The following CNIH3 variants were observed in gnomAD, a reference collection of about 807,000 sequenced individuals.
CNIH3 encodes cornichon family AMPA receptor auxiliary protein 3.
Under a neutral mutation model 24.1 loss-of-function variants are expected in CNIH3, and 14 were observed. That is an observed-to-expected ratio of 0.58 (90% CI 0.38 to 0.91). The LOEUF (loss-of-function observed/expected upper bound fraction) is 0.91. Ranked by LOEUF, CNIH3 falls within the 40% of genes least tolerant of loss-of-function variation. The pLI, the probability that CNIH3 is intolerant of heterozygous loss-of-function variation, is 0.00. For missense variants in CNIH3, 178 were observed against 196.8 expected, an observed-to-expected ratio of 0.90 and a Z score of 0.57; for synonymous variants, 68 against 73.8, an observed-to-expected ratio of 0.92 and a Z score of 0.40.
Position 224,730,486 on chromosome 1 carries a change from C to G in CNIH3, c.223C>G (p.His75Asp). Reference protein sequence around the residue: ...RKLVLPEYSIHSLFCIMFLCA... With the variant: ...RKLVLPEYSIDSLFCIMFLCA... ...GCTGGTGCTGCCAGAATACTCCATC[C>G]ATAGCCTCTTCTGCATTATGTTCCT... Residue 75 changes from histidine (H) to aspartate (D), a missense_variant, in exon 4 of 6, where the codon CAT becomes GAT. Physicochemically the swap from His to Asp is moderately conservative, Grantham distance 81. Transcript: ENST00000272133. 2 of 1,559,750 alleles carry G rather than the reference C, an allele frequency of 1.3e-6. No homozygotes were observed. Among genetic ancestry groups the G allele is most frequent in the Non-Finnish European group, 1.7e-6 (2 of 1,150,304 alleles).
At position 224,608,489 on chromosome 1, in the gene CNIH3, G is replaced by T. The variant is rs546070610; in HGVS notation, n.402+42225G>T. Among the ~76,000 whole-genome samples, 12 of 152,244 alleles carry T rather than the reference G, an allele frequency of 7.9e-5. 1 individual carries two copies. In the South Asian group the frequency reaches 1.7e-3, roughly 21 times the overall value. On this transcript the variant is annotated intron_variant and non_coding_transcript_variant, in intron 3 of 7. Transcript: ENST00000478120. ...GTCGTAATCGATTGAGCAAGCAGGG[G>T]GTGCGTGACTGGGGGATGCATGCAC...
chr1:224,715,233 G>A (rs978361332), intron 3 of CNIH3, among the ~76,000 whole-genome samples: 2 of 152,226 alleles, frequency 1.3e-5, no homozygotes, highest in Non-Finnish European at 2.9e-5. Flanking sequence ...ATCTTTAAAC[G>A]TTCAGTCCTC....
At chr1:224,519,277 G>A (rs1048122462) in intron 1 of CNIH3, among the ~76,000 whole-genome samples, 4 of 152,176 alleles carry the variant, frequency 2.6e-5, no homozygotes, top group Admixed American at 6.5e-5. Context: ...AGAAGGCAGA[G>A]GAAGGGAAAA....
chr1:224,678,080 T>C (rs1308484909), intron 1 of CNIH3, among the ~76,000 whole-genome samples: 1 of 152,164 alleles, frequency 6.6e-6, no homozygotes, highest in Non-Finnish European at 1.5e-5. Flanking sequence ...ATGTGGGTAT[T>C]GACGATACTG....
At chr1:224,583,491 A>G (rs1681364723) in intron 5 of CNIH3, among the ~76,000 whole-genome samples, 2 of 152,176 alleles carry the variant, frequency 1.3e-5, no homozygotes, top group South Asian at 2.1e-4. Flanking sequence ...CCCGTTCATT[A>G]TTAGAAATTT....
Position 224,628,112 on chromosome 1 carries a change from C to T in CNIH3, c.81+10857C>T, listed in dbSNP as rs569271622. 5.5e-4 allele frequency among the ~76,000 whole-genome samples: 83 copies of T among 152,114 alleles called. 2 individuals carry two copies. The South Asian group carries it at 0.016, about 29-fold the overall frequency. On this transcript the variant is annotated intron_variant, in intron 1 of 5. Transcript: ENST00000272133. Reference sequence around the variant, plus strand: ...GTCTAGCCCAGATCTAGACTTAGCCCACCCTGTCAAGTTATTCATTTTCTC... The same window carrying T: ...GTCTAGCCCAGATCTAGACTTAGCCTACCCTGTCAAGTTATTCATTTTCTC...
chr1:224,448,432 C>A (rs1471430464), intron 1 of CNIH3, among the ~76,000 whole-genome samples: 2 of 152,122 alleles, frequency 1.3e-5, no homozygotes, highest in African/African-American at 4.8e-5. Flanking sequence ...AAAAATGGAA[C>A]AGGGGAGGTA....
chr1:224,472,681 C>T (rs1473552569), intron 1 of CNIH3, among the ~76,000 whole-genome samples: 1 of 152,162 alleles, frequency 6.6e-6, no homozygotes, highest in Non-Finnish European at 1.5e-5. Context: ...ACGCTGGGCA[C>T]AGTGTACACT....
At chr1:224,680,896 C>T (rs1686365957) in intron 1 of CNIH3, 62 bp from the exon 2 acceptor site, 5 of 1,277,536 alleles carry the variant, frequency 3.9e-6, no homozygotes, top group Middle Eastern at 1.8e-4. Flanking sequence ...TCCACAGAAG[C>T]TTTGGACATG....
intron 3 of CNIH3, among the ~76,000 whole-genome samples, chr1:224,610,397 A>G (rs1413709083): frequency 6.6e-6 from 1 of 152,142 alleles, no homozygotes; most frequent in Non-Finnish European, 1.5e-5. Context: ...TCCCCCTGCT[A>G]TTCTCCTGAT....
rs907095859 is a variant in CNIH3, at chr1:224,703,916, G to C, written c.198+19073G>C. On this transcript the variant is annotated intron_variant, in intron 3 of 5. Coordinates refer to ENST00000272133, the MANE Select transcript of CNIH3 (RefSeq NM_152495.2). The surrounding 1 kb of genome is among the most constrained non-coding windows in gnomAD (Gnocchi z 4.2). ...CACCTGAGTCGCTGCTGCTCTGCAG[G>C]CCTCCCACCTCAGCCTACGACGTAT... Among the ~76,000 whole-genome samples the C allele has an allele frequency of 5.3e-5, 8 of 152,164 alleles. No individual in the cohort carries two copies. Among genetic ancestry groups the C allele is most frequent in the African/African-American group, 1.9e-4 (8 of 41,424 alleles).
chr1:224,653,331 A>G (rs1341455689), intron 1 of CNIH3, among the ~76,000 whole-genome samples: 1 of 151,994 alleles, frequency 6.6e-6, no homozygotes, highest in Non-Finnish European at 1.5e-5. Context: ...CTGAGGTAGG[A>G]GAATCACTTG....
chr1:224,644,152 T>C (rs10915686), intron 1 of CNIH3, among the ~76,000 whole-genome samples: 143,530 of 152,302 alleles, frequency 0.94, 67,708 homozygotes, highest in East Asian at 1. Flanking sequence ...GCTTGGTGAC[T>C]GAATGTGTTG....
chr1:224,493,882 C>T (rs1431787976), intron 1 of CNIH3, among the ~76,000 whole-genome samples: 1 of 152,206 alleles, frequency 6.6e-6, no homozygotes, highest in East Asian at 1.9e-4. Context: ...CCCAGAGTCC[C>T]GTCATTAACA....
chr1:224,663,676 C>A (rs553527076), intron 1 of CNIH3, among the ~76,000 whole-genome samples: 3 of 152,314 alleles, frequency 2.0e-5, no homozygotes, highest in African/African-American at 7.2e-5. Context: ...ATGGAAATTT[C>A]TTTGGAATTC....
At chr1:224,471,792 A>T (rs992661294) in intron 1 of CNIH3, among the ~76,000 whole-genome samples, 2 of 151,728 alleles carry the variant, frequency 1.3e-5, no homozygotes, top group Non-Finnish European at 2.9e-5. Flanking sequence ...GGCTTTCACC[A>T]TCTTGGCCAG....
chr1:224,475,366 AG>A lies in CNIH3; in HGVS notation n.204-40374del, dbSNP rs201668212. Among the ~76,000 whole-genome samples the A allele has an allele frequency of 1.8e-3, 262 of 148,636 alleles. 5 individuals are homozygous for A. The highest frequency in any genetic ancestry group is 3.8e-3 in the South Asian group (18 of 4,762). On this transcript the variant is annotated intron_variant and non_coding_transcript_variant, in intron 1 of 5. Transcript: ENST00000471578. ...GCGAGACTCCATCTCAAAAAAAAAA[AG>A]AAAAGAAAAGAAAAGAAAATCAGAG...
At chr1:224,733,966 G>T (rs191319860) in intron 4 of CNIH3, among the ~76,000 whole-genome samples, 1 of 152,288 alleles carries the variant, frequency 6.6e-6, no homozygotes, top group East Asian at 1.9e-4. Context: ...CACAGTTCGC[G>T]TTAGCTGCTC....
At chr1:224,738,614 A>G (rs1312462347) in intron 5 of CNIH3, among the ~76,000 whole-genome samples, 1 of 152,230 alleles carries the variant, frequency 6.6e-6, no homozygotes, top group Non-Finnish European at 1.5e-5. Context: ...TTTCTGCGAA[A>G]TAGACAAAGA....
Sources: allele counts gnomAD v4.1 joint callset (sites outside exome capture counted in the v4.1 genomes callset), GRCh38; gene constraint gnomAD v4.1.1; non-coding constraint Gnocchi (gnomAD v3.1); transcripts MANE v1.5; gene names NCBI Gene and HGNC (gene_info 2026-07-23, HGNC 2026-07-21).